Variants in DLX5 observed in about 807,000 individuals in gnomAD.
The protein encoded by DLX5 is distal-less homeobox 5, also known as homeobox protein DLX-5.
In DLX5, 8 loss-of-function variants were observed where a neutral mutation model predicts 27.1. The ratio of observed to expected loss-of-function variants is 0.30; its 90% confidence interval spans 0.17 to 0.53. The LOEUF is 0.53. Ranked by LOEUF, DLX5 falls within the 20% of genes least tolerant of loss-of-function variation. The pLI is 0.95. For missense variants in DLX5, 339 were observed against 375.1 expected (o/e 0.90, Z 0.80); for synonymous variants, 178 against 161.9 (o/e 1.10, Z -0.75).
chr7:97,023,023 CAAAAAA>C (rs10716251), intron 1 of DLX5, among the ~76,000 whole-genome samples: 8 of 104,998 alleles, frequency 7.6e-5, no homozygotes, highest in African/African-American at 9.8e-5. Context: ...ATGTTCTTGG[CAAAAAA>C]AAAAAAAAAA....
intron 1 of DLX5, among the ~76,000 whole-genome samples, chr7:97,023,154 G>A (rs1790111453): frequency 6.6e-6 from 1 of 151,986 alleles, no homozygotes. Context: ...GAAGGAACCG[G>A]TGGTGGGGTG....
At chr7:97,022,772 G>A (rs1335427767) in intron 1 of DLX5, among the ~76,000 whole-genome samples, 1 of 152,070 alleles carries the variant, frequency 6.6e-6, no homozygotes, top group Non-Finnish European at 1.5e-5. Context: ...GGTGGCCCTG[G>A]GCCGTGACCC....
rs1469340320 is a variant in DLX5, at chr7:97,024,054, A to G, written c.355+215T>C. On this transcript the variant is annotated intron_variant, in intron 1 of 2. Transcript: ENST00000648378. The surrounding 1 kb of genome is among the most constrained non-coding windows in gnomAD (Gnocchi z 4.6). ...CCTTGGAAGGTGCCGGAGGGGAGAG[A>G]CGCTAGTTCGAACCTCCACAGGGCT... Among the ~76,000 whole-genome samples the G allele has an allele frequency of 1.3e-5, 2 of 151,980 alleles. No individual in the cohort carries two copies. Among genetic ancestry groups the G allele is most frequent in the African/African-American group, 2.4e-5 (1 of 41,366 alleles).
At chr7:97,021,894 C>T (rs538474441) in intron 2 of DLX5, 269 of 598,488 alleles carry the variant, frequency 4.5e-4, no homozygotes, top group Non-Finnish European at 7.1e-4. Context: ...CTAGAAATAA[C>T]CCTCCGCTTG....
In DLX5 at chr7:97,024,305, C is replaced by T. The variant is rs778952255; in HGVS notation, c.319G>A (p.Ala107Thr). The change falls in exon 1 of 3, where the codon GCC (alanine) becomes ACC (threonine). Residue 107 changes from alanine (A) to threonine (T), a missense_variant. Ala to Thr is a moderately conservative substitution (Grantham distance 58). This residue lies in a region of DLX5 where 188 missense variants were observed against 206.1 expected (regional missense o/e 0.91). Coordinates refer to ENST00000648378, the MANE Select transcript of DLX5 (RefSeq NM_005221.6). This position sits in a 1 kb window ranked among gnomAD's most constrained non-coding sequence, Gnocchi z 4.6. ...GTGGCGCTTGGGACGCGGTTGTAGG[C>T]GCCGCCGTACTGGTGGTAGGAGCTA... is the stretch of plus-strand genomic sequence containing the variant. ...YASSYHQYGG[A>T]YNRVPSATNQ... 1.2e-6 allele frequency: 2 copies of T among 1,614,026 alleles called. No homozygotes were observed. Among genetic ancestry groups the T allele is most frequent in the Non-Finnish European group, 1.7e-6 (2 of 1,179,908 alleles).
rs1288589440 is a variant in DLX5, at chr7:97,020,774, G to C, written c.832C>G (p.Gln278Glu). The change falls in exon 3 of 3, where the codon CAG (glutamine) becomes GAG (glutamate). Residue 278 changes from glutamine to glutamate, a missense_variant. Gln to Glu is a conservative substitution (Grantham distance 29). Around this residue, in one of 3 missense-constraint regions of DLX5, gnomAD observed 136 missense variants for 130.3 expected, o/e 1.04. Transcript: ENST00000648378. ...NSHLPPPGSL[Q>E]HPLALASGTL... ...CCGGAGGCCAGCGCCAGCGGGTGCT[G>C]TAAGGAGCCCGGCGGCGGCAGGTGG... The C allele has an allele frequency of 6.2e-7, 1 of 1,609,398 alleles. No homozygotes were observed. The highest frequency in any genetic ancestry group is 8.5e-7 in the Non-Finnish European group (1 of 1,176,584).
Position 97,024,724 on chromosome 7 carries a change from G to GAGC in DLX5, c.-104_-102dup. On this transcript the variant is annotated 5_prime_UTR_variant, in exon 1 of 3. Transcript: ENST00000648378. This position sits in a 1 kb window ranked among gnomAD's most constrained non-coding sequence, Gnocchi z 4.6. ...CTGGTCTAAGCAGACATGGCTGTGG[G>GAGC]AGCGAGGGAGGAGGAGGAAGAGGAG... 2 of 1,036,202 alleles carry GAGC rather than the reference G, an allele frequency of 1.9e-6. No individual in the cohort carries two copies. Among genetic ancestry groups the GAGC allele is most frequent in the East Asian group, 4.9e-5 (2 of 41,208 alleles). 64.2% of individuals were successfully genotyped at this position (1,036,202 alleles called of 1,614,324 possible). A position where few individuals can be genotyped will look rare whatever the true frequency, so the allele number is the denominator to read the frequency against.
Position 97,020,609 on chromosome 7 carries a change from A to T in DLX5, c.*127T>A. The T allele has an allele frequency of 9.7e-7, 1 of 1,026,190 alleles. No individual in the cohort carries two copies. Among genetic ancestry groups the T allele is most frequent in the Non-Finnish European group, 1.3e-6 (1 of 758,194 alleles). 63.6% of individuals were successfully genotyped at this position (1,026,190 alleles called of 1,614,324 possible). ...TTGAAATGCAATAACTTACATGCAA[A>T]AAAAAGCTTTACACATGAATCTTTT... On this transcript the variant is annotated 3_prime_UTR_variant, in exon 3 of 3. Coordinates refer to ENST00000648378, the MANE Select transcript of DLX5 (RefSeq NM_005221.6).
chr7:97,024,305 C>A lies in DLX5; in HGVS notation c.319G>T (p.Ala107Ser), dbSNP rs778952255. Residue 107 changes from alanine (A) to serine (S), a missense_variant, in exon 1 of 3, where the codon GCC (alanine) becomes TCC (serine). Ala to Ser is a moderately conservative substitution (Grantham distance 99). This residue lies in a region of DLX5 where 188 missense variants were observed against 206.1 expected (regional missense o/e 0.91). Coordinates refer to ENST00000648378, the MANE Select transcript of DLX5 (RefSeq NM_005221.6). The surrounding 1 kb of genome is among the most constrained non-coding windows in gnomAD (Gnocchi z 4.6). ...GTGGCGCTTGGGACGCGGTTGTAGG[C>A]GCCGCCGTACTGGTGGTAGGAGCTA... ...YASSYHQYGG[A>S]YNRVPSATNQ... 3.7e-6 allele frequency: 6 copies of A among 1,614,026 alleles called. No homozygotes were observed. The Admixed American group carries it at 1.0e-4, about 27-fold the overall frequency.
chr7:97,021,678 G>GC (rs1790063325), intron 2 of DLX5, among the ~76,000 whole-genome samples: 1 of 152,038 alleles, frequency 6.6e-6, no homozygotes, highest in African/African-American at 2.4e-5. Context: ...GTACAATAGC[G>GC]CCCCCCACCT....
Position 97,024,064 on chromosome 7 carries a change from G to C in DLX5, c.355+205C>G, listed in dbSNP as rs1408391489. Among the ~76,000 whole-genome samples the C allele has an allele frequency of 2.6e-5, 4 of 152,150 alleles. No homozygotes were observed. The highest frequency in any genetic ancestry group is 4.4e-5 in the Non-Finnish European group (3 of 68,036). On this transcript the variant is annotated intron_variant, in intron 1 of 2. Coordinates refer to ENST00000648378, the MANE Select transcript of DLX5 (RefSeq NM_005221.6). This position sits in a 1 kb window ranked among gnomAD's most constrained non-coding sequence, Gnocchi z 4.6. ...TGCCGGAGGGGAGAGACGCTAGTTC[G>C]AACCTCCACAGGGCTCTCCTACTAA...
chr7:97,022,378 T>G lies in DLX5; in HGVS notation c.356-9A>C. 1.9e-6 allele frequency: 3 copies of G among 1,613,386 alleles called. No individual in the cohort carries two copies. Among genetic ancestry groups the G allele is most frequent in the Non-Finnish European group, 2.5e-6 (3 of 1,180,014 alleles). On this transcript the variant is annotated splice_polypyrimidine_tract_variant and intron_variant, in intron 1 of 2. Coordinates refer to ENST00000648378, the MANE Select transcript of DLX5 (RefSeq NM_005221.6). The stretch of plus-strand genomic sequence containing the variant: ...CTCGGTCACTTCTTTCTCTAAATAA[T>G]CAAAACAGACTCAGTTAAAGCTTGT...
At chr7:97,022,045 GCA>G in intron 2 of DLX5, 138 bp downstream of exon 2, 1 of 997,042 alleles carries the variant, frequency 1.0e-6, no homozygotes, top group Non-Finnish European at 1.5e-6. Context: ...CCGAGTTAAA[GCA>G]TAGGGGCTGA....
rs759444253 is a variant in DLX5, at chr7:97,020,869, T to C, written c.737A>G (p.Gln246Arg). ...CTCCAGGTAGCTGGACGCTGGGGAC[T>C]GGTTGGAGGTCGGAGGGTGGGCATG... ...HPHAHPPTSNQSPASSYLENS... is the reference protein window; with the variant it reads ...HPHAHPPTSNRSPASSYLENS... The change falls in exon 3 of 3, where the codon CAG (glutamine) becomes CGG (arginine). Residue 246 changes from glutamine to arginine, a missense_variant. Coordinates refer to ENST00000648378, the MANE Select transcript of DLX5 (RefSeq NM_005221.6). 5 of 1,614,078 alleles carry C rather than the reference T, an allele frequency of 3.1e-6. No individual in the cohort carries two copies. The highest frequency in any genetic ancestry group is 3.4e-6 in the Non-Finnish European group (4 of 1,180,014).
intron 2 of DLX5, among the ~76,000 whole-genome samples, chr7:97,021,699 C>G (rs892800953): frequency 2.6e-5 from 4 of 152,186 alleles, no homozygotes; most frequent in Non-Finnish European, 5.9e-5. Context: ...CGCGACCCTT[C>G]GGTGGCCGTG....
intron 1 of DLX5, 146 bp from the exon 2 acceptor site, chr7:97,022,515 C>T: frequency 6.8e-7 from 1 of 1,477,016 alleles, no homozygotes; most frequent in Non-Finnish European, 8.9e-7. Context: ...TTCAGGACCG[C>T]GATAAATATG....
intron 1 of DLX5, chr7:97,022,649 T>C (rs1477091857): frequency 7.3e-6 from 7 of 962,506 alleles, no homozygotes; most frequent in South Asian, 4.8e-5. Context: ...GATTCAGCTC[T>C]TGCGGTCGTT....
chr7:97,021,738 G>C (rs535229961), intron 2 of DLX5, among the ~76,000 whole-genome samples: 1 of 152,242 alleles, frequency 6.6e-6, no homozygotes, highest in South Asian at 2.1e-4. Flanking sequence ...CTCAGGGCAC[G>C]ACCCTTCAGT....
intron 2 of DLX5, 188 bp downstream of exon 2, chr7:97,021,997 T>G: frequency 2.9e-6 from 2 of 687,450 alleles, no homozygotes; most frequent in South Asian, 3.6e-5. Flanking sequence ...TCCAGACCGC[T>G]GATGAATACC....
Sources: allele counts gnomAD v4.1 joint callset (sites outside exome capture counted in the v4.1 genomes callset), GRCh38; gene constraint gnomAD v4.1.1; regional missense constraint gnomAD v4.1.1; non-coding constraint Gnocchi (gnomAD v3.1); transcripts MANE v1.5; gene names NCBI Gene and HGNC (gene_info 2026-07-23, HGNC 2026-07-21).